The following GPM6A variants were observed in gnomAD, a reference collection of about 807,000 sequenced individuals.
The protein encoded by GPM6A is neuronal membrane glycoprotein M6-a.
In GPM6A, 7 loss-of-function variants were observed where a neutral mutation model predicts 32.1. That is an observed-to-expected ratio of 0.22 (90% CI 0.12 to 0.41). The LOEUF (loss-of-function observed/expected upper bound fraction) is 0.41, where lower values mean the gene tolerates loss of function less well. Ranked by LOEUF, GPM6A falls within the 10% of genes least tolerant of loss-of-function variation. GPM6A has a pLI of 1.00. For synonymous variants in GPM6A, 130 were observed against 123.4 expected, an observed-to-expected ratio of 1.05 and a Z score of -0.35; for missense variants, 235 against 347.2, an observed-to-expected ratio of 0.68 and a Z score of 2.57.
At chr4:175,970,848 C>T (rs992459029) in intron 1 of GPM6A, 8 of 454,824 alleles carry the variant, frequency 1.8e-5, no homozygotes, top group African/African-American at 4.0e-5. Flanking sequence ...AGAAATCTTC[C>T]GATTGTTAGA....
intron 1 of GPM6A, among the ~76,000 whole-genome samples, chr4:175,929,039 A>G (rs1315035250): frequency 6.6e-6 from 1 of 152,232 alleles, no homozygotes; most frequent in African/African-American, 2.4e-5. Flanking sequence ...AGACTACCTC[A>G]TGCTGTAAAT....
In GPM6A at chr4:175,681,394, G is replaced by C. The variant is rs750742220; in HGVS notation, c.231-7558C>G. On this transcript the variant is annotated intron_variant, in intron 2 of 6. Transcript: ENST00000393658. ...TTATGGGCACTATATATCTTTTTAT[G>C]AATTGTCTATTCATGTGTTTGCCAT... Among the ~76,000 whole-genome samples the C allele has an allele frequency of 5.9e-5, 9 of 152,194 alleles. No individual in the cohort carries two copies. In the East Asian group the frequency reaches 1.7e-3, roughly 29 times the overall value.
At chr4:175,812,346 G>A (rs1310354764), upstream of GPM6A, 4 of 565,150 alleles carry the variant, frequency 7.1e-6, no homozygotes, top group Non-Finnish European at 7.6e-6. Context: ...TTTTTCCTGG[G>A]AAGCTCCAAC....
chr4:175,668,988 C>A (rs1167200921), intron 3 of GPM6A, among the ~76,000 whole-genome samples: 3 of 152,136 alleles, frequency 2.0e-5, no homozygotes, highest in African/African-American at 7.2e-5. Flanking sequence ...TCATCACCCA[C>A]CATGTACCCC....
intron 1 of GPM6A, among the ~76,000 whole-genome samples, chr4:175,752,755 T>C (rs544720530): frequency 1.3e-5 from 2 of 152,280 alleles, no homozygotes; most frequent in South Asian, 4.2e-4. Flanking sequence ...TTAAACTGTG[T>C]TCTGGAGCAT....
intron 1 of GPM6A, among the ~76,000 whole-genome samples, chr4:175,901,118 A>C (rs1354720872): frequency 7.1e-6 from 1 of 141,822 alleles, no homozygotes; most frequent in Non-Finnish European, 1.5e-5. Flanking sequence ...TGGTTACCAG[A>C]GGCTGGGAAG....
chr4:175,812,401 C>CGTTCCTCTT (rs1373063398), upstream of GPM6A: 1 of 1,309,054 alleles, frequency 7.6e-7, no homozygotes. Context: ...CAGGCTCCCT[C>CGTTCCTCTT]GTTCCTCTTG....
chr4:175,962,244 C>T, intron 1 of GPM6A: 1 of 1,350,600 alleles, frequency 7.4e-7, no homozygotes, highest in South Asian at 1.2e-5. Flanking sequence ...CATTGACCTC[C>T]TATATGTCAT....
chr4:175,990,293 A>G (rs554452317), intron 1 of GPM6A, among the ~76,000 whole-genome samples: 1 of 152,128 alleles, frequency 6.6e-6, no homozygotes, highest in Admixed American at 6.5e-5. Context: ...AAAGTCACAA[A>G]CCATCCAGCT....
chr4:175,980,823 C>T (rs1740796413), intron 1 of GPM6A, among the ~76,000 whole-genome samples: 2 of 152,068 alleles, frequency 1.3e-5, no homozygotes, highest in Non-Finnish European at 2.9e-5. Context: ...GCTCAGCAGG[C>T]GTAGGGTTTG....
chr4:175,872,331 TCTC>T (rs1470880701), intron 1 of GPM6A, among the ~76,000 whole-genome samples: 2 of 152,244 alleles, frequency 1.3e-5, no homozygotes, highest in East Asian at 3.9e-4. Flanking sequence ...CTTACACCCT[TCTC>T]CTCTATTTCC....
intron 3 of GPM6A, among the ~76,000 whole-genome samples, chr4:175,660,378 C>T (rs1413313092): frequency 1.3e-5 from 2 of 149,054 alleles, no homozygotes; most frequent in East Asian, 1.9e-4. Flanking sequence ...AGCAAGACTC[C>T]ATCTCAAAAA....
intron 3 of GPM6A, among the ~76,000 whole-genome samples, chr4:175,666,944 A>G (rs1454676220): frequency 1.3e-5 from 2 of 152,224 alleles, no homozygotes; most frequent in East Asian, 3.8e-4. Flanking sequence ...AAACTATAGT[A>G]TATTTGTAAG....
intron 1 of GPM6A, among the ~76,000 whole-genome samples, chr4:175,769,821 A>G (rs1733116013): frequency 6.6e-6 from 1 of 152,228 alleles, no homozygotes; most frequent in South Asian, 2.1e-4. Flanking sequence ...ATGTCCAGAA[A>G]ATATTAAAAC....
intron 1 of GPM6A, among the ~76,000 whole-genome samples, chr4:175,730,649 T>G (rs1731385918): frequency 6.6e-6 from 1 of 152,062 alleles, no homozygotes; most frequent in African/African-American, 2.4e-5. Context: ...TTTTTTTATA[T>G]TTTTAGTAGA....
At chr4:175,787,536 T>C in intron 1 of GPM6A, 1 of 1,430,630 alleles carries the variant, frequency 7.0e-7, no homozygotes, top group Non-Finnish European at 9.1e-7. Flanking sequence ...TTCATCAGTA[T>C]CAACATCACC....
intron 1 of GPM6A, among the ~76,000 whole-genome samples, chr4:175,821,130 G>C (rs539722460): frequency 6.6e-6 from 1 of 152,214 alleles, no homozygotes; most frequent in South Asian, 2.1e-4. Context: ...GAATCCTACT[G>C]TTCTACGTCT....
chr4:175,799,270 C>T (rs1734364441), intron 1 of GPM6A, among the ~76,000 whole-genome samples: 1 of 152,122 alleles, frequency 6.6e-6, no homozygotes, highest in Non-Finnish European at 1.5e-5. Flanking sequence ...CTATAATATA[C>T]ATCATTTCCT....
chr4:175,734,587 T>A (rs956082626), intron 1 of GPM6A, among the ~76,000 whole-genome samples: 3 of 152,054 alleles, frequency 2.0e-5, no homozygotes, highest in African/African-American at 7.2e-5. Flanking sequence ...AAATGCTATA[T>A]AATAGGCTGG....
Sources: gnomAD v4.1 joint callset for allele counts (sites outside exome capture counted in the v4.1 genomes callset) on GRCh38, gnomAD v4.1.1 for gene constraint, MANE v1.5 for transcripts, NCBI Gene and HGNC (gene_info 2026-07-23, HGNC 2026-07-21) for gene names.